Variants in CARHSP1 observed in about 807,000 individuals in gnomAD.
CARHSP1 encodes calcium regulated heat stable protein 1.
Under a neutral mutation model 12.5 loss-of-function variants are expected in CARHSP1, and 14 were observed. The observed-to-expected ratio is 1.12, with a 90% CI of 0.74 to 1.75. CARHSP1 has a LOEUF of 1.75. Ranked by LOEUF, CARHSP1 falls within the 40% of genes most tolerant of loss-of-function variation. The probability of loss-of-function intolerance (pLI) is 0.00; values close to 1 mark genes in which losing one functional copy is unlikely to be tolerated. For synonymous variants in CARHSP1, 161 were observed against 82.0 expected (o/e 1.96, Z -5.20); for missense variants, 343 against 201.6 (o/e 1.70, Z -4.25).
chr16:8,863,830 C>A (rs757995016), intron 1 of CARHSP1, among the ~76,000 whole-genome samples: 12 of 152,184 alleles, frequency 7.9e-5, no homozygotes, highest in Non-Finnish European at 1.2e-4. Flanking sequence ...TCTGCTGTGT[C>A]CCCTCCACAA....
At chr16:8,864,204 A>G (rs556078852) in intron 1 of CARHSP1, among the ~76,000 whole-genome samples, 2 of 152,326 alleles carry the variant, frequency 1.3e-5, no homozygotes, top group South Asian at 4.1e-4. Flanking sequence ...ACACATACAT[A>G]TGTGCCCACA....
intron 2 of CARHSP1, chr16:8,858,726 A>T (rs1596532399): frequency 3.9e-5 from 20 of 511,888 alleles, no homozygotes; most frequent in Non-Finnish European, 5.9e-5. Context: ...AGTTGAACTA[A>T]AACATCACTG....
intron 3 of CARHSP1, 40 bp downstream of exon 3, chr16:8,858,310 C>A (rs1263435314): frequency 1.9e-6 from 3 of 1,604,562 alleles, no homozygotes; most frequent in Non-Finnish European, 1.7e-6. Context: ...CAAGGAAGCG[C>A]CCACCCCAGC....
chr16:8,856,051 C>T (rs2061092792), intron 3 of CARHSP1, among the ~76,000 whole-genome samples: 1 of 152,178 alleles, frequency 6.6e-6, no homozygotes, highest in Non-Finnish European at 1.5e-5. Flanking sequence ...TTAAGTGAGC[C>T]ACCTGCCTCA....
In CARHSP1 at chr16:8,854,918, T is replaced by TA; in HGVS notation, c.*245_*246insT. ...CAGCCACCAGTGGGCACCTCTCCTT[T>TA]TTAAATGCTTTTAATGCTCTTCAGA... On this transcript the variant is annotated 3_prime_UTR_variant, in exon 4 of 4. Coordinates refer to ENST00000311052, the MANE Select transcript of CARHSP1 (RefSeq NM_014316.4). 1 of 349,404 alleles carries TA rather than the reference T, an allele frequency of 2.9e-6. No individual in the cohort carries two copies. Among genetic ancestry groups the TA allele is most frequent in the Non-Finnish European group, 5.1e-6 (1 of 194,930 alleles). The allele number at this position is 349,404 out of a possible 1,614,324, so 21.6% of individuals were successfully genotyped here.
chr16:8,867,892 C>G (rs895938532), intron 1 of CARHSP1: 1 of 152,226 alleles, frequency 6.6e-6, no homozygotes, highest in African/African-American at 2.4e-5. Flanking sequence ...GACAATGGGA[C>G]TTCGGTGGAC....
At chr16:8,860,107 T>G (rs2061302720) in intron 1 of CARHSP1, 2 of 984,304 alleles carry the variant, frequency 2.0e-6, no homozygotes, top group African/African-American at 3.5e-5. Context: ...AAACTGACCC[T>G]CACGCAGTGT....
In CARHSP1 at chr16:8,859,159, C is replaced by T. The variant is rs2061256781; in HGVS notation, c.158+12G>A. ...CATCTGAGAACGCGTCCCCAGCCTG[C>T]TCCAGACTCACGCCGAGAAGGTCCT... On this transcript the variant is annotated intron_variant, in intron 2 of 3. Coordinates refer to ENST00000311052, the MANE Select transcript of CARHSP1 (RefSeq NM_014316.4). 1.3e-6 allele frequency: 2 copies of T among 1,591,306 alleles called. No individual in the cohort carries two copies. The highest frequency in any genetic ancestry group is 1.7e-6 in the Non-Finnish European group (2 of 1,166,338).
In CARHSP1 at chr16:8,858,638, C is replaced by G. The variant is rs1261951593; in HGVS notation, c.159-166G>C. On this transcript the variant is annotated intron_variant, in intron 2 of 3. Coordinates refer to ENST00000311052, the MANE Select transcript of CARHSP1 (RefSeq NM_014316.4). ...AACCCTCAACCCTGGGAGCCGCTCA[C>G]AAAGACGCTGGGGGAAAGGACTCTT... The G allele has an allele frequency of 3.0e-5, 24 of 803,968 alleles. No individual in the cohort carries two copies. In the South Asian group the frequency reaches 4.1e-4, roughly 14 times the overall value. The allele number at this position is 803,968 out of a possible 1,614,324, so 49.8% of individuals were successfully genotyped here.
chr16:8,858,221 CAG>C lies in CARHSP1; in HGVS notation c.281+127_281+128del, dbSNP rs565863094. The C allele has an allele frequency of 2.1e-4, 228 of 1,111,894 alleles. No homozygotes were observed. In the African/African-American group the frequency reaches 2.8e-3, roughly 14 times the overall value. The allele number at this position is 1,111,894 out of a possible 1,614,324, so 68.9% of individuals were successfully genotyped here. A position where few individuals can be genotyped will look rare whatever the true frequency, so the allele number is the denominator to read the frequency against. On this transcript the variant is annotated intron_variant, in intron 3 of 3. Coordinates refer to ENST00000311052, the MANE Select transcript of CARHSP1 (RefSeq NM_014316.4). ...GCACAGCTGGAGCACCAGCCACAGG[CAG>C]AGTCACACAGGCCCAGCCATTCGTC...
intron 1 of CARHSP1, 147 bp from the exon 2 acceptor site, chr16:8,859,482 C>A (rs1257988681): frequency 2.7e-6 from 2 of 738,190 alleles, no homozygotes; most frequent in East Asian, 2.8e-5. Flanking sequence ...TGGGAGCACG[C>A]CTGGCAGGGT....
intron 1 of CARHSP1, among the ~76,000 whole-genome samples, chr16:8,865,324 G>C (rs925395887): frequency 6.6e-6 from 1 of 152,098 alleles, no homozygotes; most frequent in African/African-American, 2.4e-5. Context: ...TAGCCAATCT[G>C]GTCTCGGACT....
At chr16:8,863,893 T>C (rs2061411943) in intron 1 of CARHSP1, among the ~76,000 whole-genome samples, 1 of 152,054 alleles carries the variant, frequency 6.6e-6, no homozygotes, top group Admixed American at 6.5e-5. Context: ...ACCAGCACAG[T>C]CCCAGCTTCC....
At chr16:8,864,784 G>A (rs919881348) in intron 1 of CARHSP1, among the ~76,000 whole-genome samples, 16 of 152,192 alleles carry the variant, frequency 1.1e-4, no homozygotes, top group Admixed American at 5.2e-4. Flanking sequence ...TGGGTGTGTC[G>A]GCTGGGAGAA....
At chr16:8,861,650 G>A (rs1486652922) in intron 1 of CARHSP1, 1 of 1,289,016 alleles carries the variant, frequency 7.8e-7, no homozygotes, top group Middle Eastern at 2.1e-4. Flanking sequence ...GCCTTCTGGA[G>A]GAGGTGGCAT....
chr16:8,860,430 T>A, intron 1 of CARHSP1: 1 of 985,464 alleles, frequency 1.0e-6, no homozygotes, highest in Non-Finnish European at 1.2e-6. Context: ...GGACACTCGC[T>A]GTACACAATA....
chr16:8,857,278 T>TTTG (rs2061159490), intron 3 of CARHSP1, among the ~76,000 whole-genome samples: 2 of 116,738 alleles, frequency 1.7e-5, no homozygotes. Flanking sequence ...TTTTTTTTTT[T>TTTG]TTTTTTTTTT....
Position 8,853,472 on chromosome 16 carries a change from CGCAATCAACAT to C in CARHSP1, c.*1681_*1691del, listed in dbSNP as rs2141059963. The C allele has an allele frequency of 6.6e-6, 1 of 152,260 alleles. No individual in the cohort carries two copies. The highest frequency in any genetic ancestry group is 2.1e-4 in the South Asian group (1 of 4,820). The allele number at this position is 152,260 out of a possible 1,614,324, so 9.4% of individuals were successfully genotyped here. A position where few individuals can be genotyped will look rare whatever the true frequency, so the allele number is the denominator to read the frequency against. On this transcript the variant is annotated 3_prime_UTR_variant, in exon 4 of 4. Transcript: ENST00000311052. ...GGAACTGCCTTTGTCTCCACACACT[CGCAATCAACAT>C]GCGTATTTGCTATTCTCAAACAACT...
chr16:8,857,033 C>T (rs1256584620), intron 3 of CARHSP1, among the ~76,000 whole-genome samples: 1 of 152,122 alleles, frequency 6.6e-6, no homozygotes, highest in African/African-American at 2.4e-5. Flanking sequence ...AGTCCACCTC[C>T]CCCAAAGGAG....
Sources: gnomAD v4.1 joint callset for allele counts (sites outside exome capture counted in the v4.1 genomes callset) on GRCh38, gnomAD v4.1.1 for gene constraint, MANE v1.5 for transcripts, NCBI Gene and HGNC (gene_info 2026-07-23, HGNC 2026-07-21) for gene names.